Variants in TFCP2 observed in about 807,000 individuals in gnomAD.
The protein encoded by TFCP2 is transcription factor CP2.
Under a neutral mutation model 73.4 loss-of-function variants are expected in TFCP2, and 33 were observed. The ratio of observed to expected loss-of-function variants is 0.45; its 90% CI spans 0.34 to 0.60. The LOEUF is 0.60. Ranked by LOEUF, TFCP2 falls within the 20% of genes least tolerant of loss-of-function variation. TFCP2 has a pLI of 0.01. For missense variants in TFCP2, 352 were observed against 604.0 expected, an observed-to-expected ratio of 0.58 and a Z score of 4.37; for synonymous variants, 193 against 211.6, an observed-to-expected ratio of 0.91 and a Z score of 0.76.
chr12:51,170,626 A>G (rs745716101), intron 1 of TFCP2, among the ~76,000 whole-genome samples: 2 of 151,598 alleles, frequency 1.3e-5, no homozygotes, highest in African/African-American at 4.8e-5. Flanking sequence ...TTAGAATAAT[A>G]GTCTTTATTA....
chr12:51,134,903 G>C (rs1303178152), intron 1 of TFCP2, among the ~76,000 whole-genome samples: 2 of 152,138 alleles, frequency 1.3e-5, no homozygotes, highest in Non-Finnish European at 2.9e-5. Context: ...GAGCCCTGGG[G>C]TTCAAAACCA....
intron 1 of TFCP2, among the ~76,000 whole-genome samples, chr12:51,148,838 A>C (rs1313783317): frequency 1.3e-5 from 2 of 151,640 alleles, no homozygotes; most frequent in Non-Finnish European, 2.9e-5. Flanking sequence ...CAGCCTGACC[A>C]ATATGGCGAA....
At chr12:51,157,879 T>A (rs959662358) in intron 1 of TFCP2, among the ~76,000 whole-genome samples, 1 of 151,998 alleles carries the variant, frequency 6.6e-6, no homozygotes, top group African/African-American at 2.4e-5. Flanking sequence ...GATTTTGCCA[T>A]GTTGGCCACG....
intron 6 of TFCP2, among the ~76,000 whole-genome samples, chr12:51,108,050 C>T (rs141641559): frequency 0.014 from 2,161 of 151,602 alleles, 20 homozygotes; most frequent in South Asian, 0.048. Flanking sequence ...TTTGGGAGGC[C>T]GAGGCAGGCG....
Position 51,099,724 on chromosome 12 carries a change from C to T in TFCP2, c.1207G>A (p.Glu403Lys), listed in dbSNP as rs932409427. The T allele has an allele frequency of 2.5e-6, 4 of 1,614,148 alleles. No individual in the cohort carries two copies. The highest frequency in any genetic ancestry group is 3.4e-6 in the Non-Finnish European group (4 of 1,180,028). ...YVCQESLQLR[E>K]QQQQQQQQQQ... ...TGTTGCTGCTGCTGTTGTTGCTGCT[C>T]CCTCAACTGCAGTGATTCCTGACAA... Residue 403 changes from glutamate to lysine, a missense_variant, in exon 12 of 15, where the codon GAG becomes AAG. Physicochemically the swap from Glu to Lys is moderately conservative, Grantham distance 56. Coordinates refer to ENST00000257915, the MANE Select transcript of TFCP2 (RefSeq NM_005653.5).
intron 1 of TFCP2, among the ~76,000 whole-genome samples, chr12:51,129,636 A>G (rs1306086319): frequency 2.0e-5 from 3 of 151,860 alleles, no homozygotes; most frequent in African/African-American, 7.3e-5. Flanking sequence ...AAGTCTTTTT[A>G]GTTCTGTTCT....
At chr12:51,123,476 G>T (rs1257377167) in intron 1 of TFCP2, among the ~76,000 whole-genome samples, 1 of 152,210 alleles carries the variant, frequency 6.6e-6, no homozygotes, top group East Asian at 1.9e-4. Context: ...CCTCAGAGGT[G>T]AGTTTAGAAA....
chr12:51,166,788 T>C (rs1941766803), intron 1 of TFCP2, among the ~76,000 whole-genome samples: 1 of 152,200 alleles, frequency 6.6e-6, no homozygotes, highest in South Asian at 2.1e-4. Context: ...TGGGATTTGC[T>C]CTCCTGTCTC....
intron 6 of TFCP2, among the ~76,000 whole-genome samples, chr12:51,108,011 G>A (rs534204814): frequency 2.6e-5 from 4 of 151,370 alleles, no homozygotes; most frequent in Admixed American, 6.6e-5. Flanking sequence ...AGAGCTGGGC[G>A]CAGTGGCTCA....
chr12:51,156,344 G>GC (rs1555147280), intron 1 of TFCP2, among the ~76,000 whole-genome samples: 1 of 105,962 alleles, frequency 9.4e-6, no homozygotes, highest in East Asian at 3.2e-4. Flanking sequence ...GAGGAAGCAA[G>GC]GGGGGGGGAG....
chr12:51,161,612 A>T (rs1941649449), intron 1 of TFCP2, among the ~76,000 whole-genome samples: 1 of 151,596 alleles, frequency 6.6e-6, no homozygotes, highest in African/African-American at 2.4e-5. Flanking sequence ...CCCGGGAGGC[A>T]GAGGTTGCGG....
At chr12:51,116,293 G>C in intron 4 of TFCP2, 22 bp downstream of exon 4, 1 of 1,414,512 alleles carries the variant, frequency 7.1e-7, no homozygotes, top group Non-Finnish European at 9.9e-7. Flanking sequence ...CATTTCCTAG[G>C]CAATAGATTC....
At chr12:51,095,389 G>T in intron 14 of TFCP2, 111 bp from the exon 15 acceptor site, 1 of 1,175,176 alleles carries the variant, frequency 8.5e-7, no homozygotes. Context: ...GGAGGTGGAG[G>T]TTGCAGTGAG....
intron 11 of TFCP2, among the ~76,000 whole-genome samples, chr12:51,101,284 G>A (rs144459367): frequency 2.0e-5 from 3 of 152,284 alleles, no homozygotes; most frequent in East Asian, 3.9e-4. Flanking sequence ...CAGTCTGGGC[G>A]AAAGAGTGAG....
Position 51,116,376 on chromosome 12 carries a change from A to T in TFCP2, c.396T>A (p.Thr132=), listed in dbSNP as rs748948773. ...TCCAGCCCTCTAGCTGCTGATGCTC[A>T]GTGTACTGAAGCCTTCTGTCATGGA... The part of the protein sequence containing the change: ...VVFHDRRLQY[T]EHQQLEGWRW... Residue 132 remains threonine, a synonymous_variant, in exon 4 of 15, where the codon ACT becomes ACA. Transcript: ENST00000257915. The T allele has an allele frequency of 1.2e-6, 2 of 1,606,956 alleles. No homozygotes were observed. Among genetic ancestry groups the T allele is most frequent in the Admixed American group, 3.4e-5 (2 of 59,164 alleles).
intron 1 of TFCP2, among the ~76,000 whole-genome samples, chr12:51,126,753 C>G (rs1372621943): frequency 6.6e-6 from 1 of 152,174 alleles, no homozygotes; most frequent in East Asian, 1.9e-4. Context: ...GAAACAAAAG[C>G]ATGCTAACAT....
chr12:51,148,877 T>C (rs1234607056), intron 1 of TFCP2, among the ~76,000 whole-genome samples: 2 of 146,226 alleles, frequency 1.4e-5, no homozygotes, highest in Admixed American at 6.9e-5. Context: ...ATACAAAAAT[T>C]AGCCTGGAGT....
chr12:51,095,343 A>C, intron 14 of TFCP2, 65 bp from the exon 15 acceptor site: 1 of 1,541,900 alleles, frequency 6.5e-7, no homozygotes, highest in South Asian at 1.1e-5. Flanking sequence ...AGGAGAAAAA[A>C]AGTATGGTAA....
chr12:51,172,168 A>G, intron 1 of TFCP2, 133 bp downstream of exon 1: 1 of 1,294,920 alleles, frequency 7.7e-7, no homozygotes, highest in African/African-American at 1.5e-5. Context: ...GCGACAAAAG[A>G]ACAAGTCCCT....
Sources: gnomAD v4.1 joint callset for allele counts (sites outside exome capture counted in the v4.1 genomes callset) on GRCh38, gnomAD v4.1.1 for gene constraint, MANE v1.5 for transcripts, NCBI Gene and HGNC (gene_info 2026-07-23, HGNC 2026-07-21) for gene names.